ACYP2: variants seen among roughly 807,000 people sequenced by gnomAD.
ACYP2 encodes the protein acylphosphatase 2, also known as acylphosphatase-2.
ACYP2 carries 12 observed loss-of-function variants against 11.2 expected under a neutral mutation model. The ratio of observed to expected loss-of-function variants is 1.08; its 90% CI spans 0.69 to 1.74. The LOEUF (loss-of-function observed/expected upper bound fraction) is 1.74, where lower values mean the gene tolerates loss of function less well. Ranked by LOEUF, ACYP2 falls within the 40% of genes most tolerant of loss-of-function variation. ACYP2 has a pLI of 0.00. For missense variants in ACYP2, 134 were observed against 101.9 expected (o/e 1.31, Z -1.35); for synonymous variants, 43 against 32.2 (o/e 1.33, Z -1.13).
intron 4 of ACYP2, among the ~76,000 whole-genome samples, chr2:54,082,348 C>A (rs745575606): frequency 1.3e-5 from 2 of 151,692 alleles, no homozygotes; most frequent in Admixed American, 6.6e-5. Flanking sequence ...CAGGTTCAAG[C>A]GGTTCTCCTG....
At chr2:54,163,318 A>G (rs1486624393) in intron 6 of ACYP2, among the ~76,000 whole-genome samples, 1 of 151,758 alleles carries the variant, frequency 6.6e-6, no homozygotes, top group Non-Finnish European at 1.5e-5. Context: ...GACAATTTAT[A>G]GAATGTAATG....
chr2:53,994,512 C>CAAAA lies in ACYP2; in HGVS notation c.62+20703_62+20704insAAAA, dbSNP rs759787287. Among the ~76,000 whole-genome samples, 7 of 30,522 alleles carry CAAAA rather than the reference C, an allele frequency of 2.3e-4. 3 individuals are homozygous for CAAAA. The highest frequency in any genetic ancestry group is 3.8e-4 in the Non-Finnish European group (5 of 13,058). 20.0% of individuals were successfully genotyped at this position (30,522 alleles called of 152,430 possible). A position where few individuals can be genotyped will look rare whatever the true frequency, so the allele number is the denominator to read the frequency against. Reference sequence around the variant, plus strand: ...CCAGCCTGGGTGACAGAGTAAGACTCAGAAAAAAAAAAAAAAAAAAGAGGA... The same window carrying CAAAA: ...CCAGCCTGGGTGACAGAGTAAGACTCAAAAAGAAAAAAAAAAAAAAAAAAGAGGA... On this transcript the variant is annotated intron_variant, in intron 2 of 6. Coordinates refer to ENST00000607452, the MANE Select transcript of ACYP2 (RefSeq NM_001320586.2).
chr2:54,255,469 C>T (rs1410788614), intron 6 of ACYP2: 4 of 1,614,054 alleles, frequency 2.5e-6, no homozygotes, highest in South Asian at 1.1e-5. Flanking sequence ...CCCAAACCTG[C>T]GCTCCACCTG....
intron 6 of ACYP2, among the ~76,000 whole-genome samples, chr2:54,193,918 G>A (rs188025947): frequency 6.6e-6 from 1 of 152,214 alleles, no homozygotes; most frequent in African/African-American, 2.4e-5. Flanking sequence ...AAACATTATA[G>A]AGTAAAATAT....
At chr2:54,046,480 T>C (rs1037234456) in intron 2 of ACYP2, among the ~76,000 whole-genome samples, 1 of 137,988 alleles carries the variant, frequency 7.2e-6, no homozygotes, top group African/African-American at 2.7e-5. Context: ...AGCAAGACTG[T>C]CTAAAAAAAA....
rs1253212604 is a variant in ACYP2, at chr2:54,016,433, C to G, written c.63-34525C>G. Among the ~76,000 whole-genome samples the G allele has an allele frequency of 2.0e-5, 3 of 148,434 alleles. No individual in the cohort carries two copies. The South Asian group carries it at 6.3e-4, about 31-fold the overall frequency. ...TTCTCTGACCAAGCAGGAGTTAAGG[C>G]CAAACAGGGAGAAACTGGAAGCAAT... is the stretch of plus-strand genomic sequence containing the variant. On this transcript the variant is annotated intron_variant, in intron 2 of 6. Transcript: ENST00000607452.
At chr2:54,051,681 T>G in intron 3 of ACYP2, 1 of 676,326 alleles carries the variant, frequency 1.5e-6, no homozygotes, top group Non-Finnish European at 2.7e-6. Context: ...AGGATATTGC[T>G]GCATATTGAG....
chr2:54,072,029 A>G (rs1290618468), intron 4 of ACYP2, among the ~76,000 whole-genome samples: 1 of 152,192 alleles, frequency 6.6e-6, no homozygotes, highest in African/African-American at 2.4e-5. Flanking sequence ...ATATACAAAT[A>G]CAAATAAATA....
intron 6 of ACYP2, among the ~76,000 whole-genome samples, chr2:54,271,740 T>C (rs1286057250): frequency 6.6e-6 from 1 of 152,048 alleles, no homozygotes; most frequent in Non-Finnish European, 1.5e-5. Context: ...CTCCACCCTT[T>C]TTTGTGGCTA....
chr2:54,066,446 A>C (rs1009123270), intron 4 of ACYP2, among the ~76,000 whole-genome samples: 1 of 152,214 alleles, frequency 6.6e-6, no homozygotes, highest in Non-Finnish European at 1.5e-5. Flanking sequence ...TGTGAAAACA[A>C]ACTAGTGCAC....
intron 4 of ACYP2, among the ~76,000 whole-genome samples, chr2:54,107,365 T>A (rs1427546879): frequency 6.6e-6 from 1 of 152,202 alleles, no homozygotes; most frequent in Non-Finnish European, 1.5e-5. Context: ...AAGCTTGGTT[T>A]TGTTACTATT....
intron 2 of ACYP2, among the ~76,000 whole-genome samples, chr2:53,997,887 C>A (rs930987937): frequency 6.6e-6 from 1 of 152,124 alleles, no homozygotes; most frequent in Non-Finnish European, 1.5e-5. Context: ...TGACCCTCTT[C>A]CTCTTCTGTT....
intron 6 of ACYP2, among the ~76,000 whole-genome samples, chr2:54,215,895 C>T (rs141725554): frequency 4.1e-4 from 63 of 152,242 alleles, no homozygotes; most frequent in African/African-American, 1.4e-3. Context: ...CCAAAAAACA[C>T]AAACATTTTA....
chr2:54,074,480 G>A (rs1361497736), intron 4 of ACYP2, among the ~76,000 whole-genome samples: 1 of 151,984 alleles, frequency 6.6e-6, no homozygotes, highest in Non-Finnish European at 1.5e-5. Context: ...TTGTGGTGAT[G>A]GTTGCACAAC....
At chr2:54,153,836 G>C (rs374796354) in intron 6 of ACYP2, among the ~76,000 whole-genome samples, 1 of 152,006 alleles carries the variant, frequency 6.6e-6, no homozygotes, top group Admixed American at 6.6e-5. Context: ...TCCTGACCTC[G>C]TGATCTGCCT....
At chr2:54,257,976 TATATTTATTAAACATTCAACAA>T (rs1427724773) in intron 6 of ACYP2, among the ~76,000 whole-genome samples, 8 of 152,254 alleles carry the variant, frequency 5.3e-5, no homozygotes, top group African/African-American at 1.2e-4. Context: ...AATCCATTTT[TATATTTATTAAACATTCAACAA>T]ATATTTATTA....
intron 6 of ACYP2, among the ~76,000 whole-genome samples, chr2:54,140,130 A>G (rs1039072543): frequency 6.6e-6 from 1 of 152,210 alleles, no homozygotes; most frequent in Non-Finnish European, 1.5e-5. Context: ...ATGAAAAACA[A>G]TATTTTTAAG....
At chr2:54,058,173 G>A (rs1200893149) in intron 4 of ACYP2, among the ~76,000 whole-genome samples, 2 of 151,936 alleles carry the variant, frequency 1.3e-5, no homozygotes, top group African/African-American at 2.4e-5. Context: ...TGGTGTTAAC[G>A]CATGATACAA....
At chr2:54,239,551 T>C (rs1379753237) in intron 6 of ACYP2, among the ~76,000 whole-genome samples, 1 of 152,214 alleles carries the variant, frequency 6.6e-6, no homozygotes, top group African/African-American at 2.4e-5. Context: ...TTTCCCACTC[T>C]TGAAATAGCA....
Sources: allele counts gnomAD v4.1 joint callset (sites outside exome capture counted in the v4.1 genomes callset), GRCh38; gene constraint gnomAD v4.1.1; transcripts MANE v1.5; gene names NCBI Gene and HGNC (gene_info 2026-07-23, HGNC 2026-07-21).